TGM6: variants seen among roughly 807,000 people sequenced by gnomAD.
The protein encoded by TGM6 is transglutaminase 6, also known as protein-glutamine gamma-glutamyltransferase 6.
Under a neutral mutation model 77.5 loss-of-function variants are expected in TGM6, and 74 were observed. The ratio of observed to expected loss-of-function variants is 0.96; its 90% CI spans 0.79 to 1.16. The LOEUF (loss-of-function observed/expected upper bound fraction) is 1.16. Among genes scored for constraint, TGM6 ranks in the 50% most tolerant of loss-of-function variants. The pLI is 0.00. For missense variants in TGM6, 968 were observed against 940.2 expected (o/e 1.03, Z -0.39); for synonymous variants, 383 against 378.9 (o/e 1.01, Z -0.12).
chr20:2,385,323 A>T (rs939745838), intron 1 of TGM6, among the ~76,000 whole-genome samples: 3 of 151,916 alleles, frequency 2.0e-5, no homozygotes, highest in African/African-American at 7.3e-5. Context: ...CCTAGAGGCT[A>T]TGTGACAATC....
chr20:2,403,418 G>A lies in TGM6; in HGVS notation c.1011G>A (p.Glu337=), dbSNP rs142832802. 813 of 1,614,172 alleles carry A rather than the reference G, an allele frequency of 5.0e-4. No individual in the cohort carries two copies. Among genetic ancestry groups the A allele is most frequent in the Non-Finnish European group, 6.3e-4 (739 of 1,180,042 alleles). The change falls in exon 8 of 13, where the codon GAG becomes GAA. Residue 337 remains glutamate (E), a synonymous_variant. Transcript: ENST00000202625. ...DSMWNFHVWN[E]SWFARQDLGP... is the part of the protein sequence containing the mutation. ...GCAGGAATTTCCATGTCTGGAATGA[G>A]AGCTGGTTTGCCCGGCAGGACCTAG...
intron 1 of TGM6, among the ~76,000 whole-genome samples, chr20:2,389,186 C>T (rs1429101557): frequency 6.6e-6 from 1 of 152,134 alleles, no homozygotes; most frequent in Non-Finnish European, 1.5e-5. Context: ...GGAAACTAAG[C>T]ACCATGCCAG....
chr20:2,400,210 C>T (rs1351918622), intron 6 of TGM6, 96 bp from the exon 7 acceptor site: 1 of 1,574,786 alleles, frequency 6.4e-7, no homozygotes, highest in Non-Finnish European at 8.7e-7. Context: ...TGGCAGAGGG[C>T]TTTGGCCACA....
rs748484105 is a variant in TGM6, at chr20:2,417,233, G to A, written c.1338G>A (p.Gly446=). The change falls in exon 10 of 13, where the codon GGG becomes GGA. Residue 446 remains glycine (G), a splice_region_variant and synonymous_variant. Coordinates refer to ENST00000202625, the MANE Select transcript of TGM6 (RefSeq NM_198994.3). ...DITDLYKYPE[G]SRKERQVYSK... ...CTGACGTTGTGTGATGCCCTGCAGGGTCCCGGAAAGAGAGGCAGGTGTACA... is the reference window on the plus strand; with the variant it reads ...CTGACGTTGTGTGATGCCCTGCAGGATCCCGGAAAGAGAGGCAGGTGTACA... 1 of 1,597,682 alleles carries A rather than the reference G, an allele frequency of 6.3e-7. No individual in the cohort carries two copies. The highest frequency in any genetic ancestry group is 8.5e-7 in the Non-Finnish European group (1 of 1,172,220).
chr20:2,383,856 A>C (rs1261498510), intron 1 of TGM6, among the ~76,000 whole-genome samples: 1 of 152,088 alleles, frequency 6.6e-6, no homozygotes, highest in Non-Finnish European at 1.5e-5. Flanking sequence ...TCCTGTCATC[A>C]TAGCACTTTG....
At chr20:2,393,855 C>T (rs2084644287) in intron 1 of TGM6, among the ~76,000 whole-genome samples, 1 of 152,186 alleles carries the variant, frequency 6.6e-6, no homozygotes, top group Admixed American at 6.5e-5. Flanking sequence ...CAGAAACGCA[C>T]ATATAATAAG....
At chr20:2,390,565 C>A (rs183103003) in intron 1 of TGM6, among the ~76,000 whole-genome samples, 1 of 152,138 alleles carries the variant, frequency 6.6e-6, no homozygotes, top group Non-Finnish European at 1.5e-5. Flanking sequence ...ATGTATCAGG[C>A]GCTGAAGATT....
Position 2,396,638 on chromosome 20 carries a change from C to T in TGM6, c.543+14C>T. On this transcript the variant is annotated intron_variant, in intron 4 of 12. Coordinates refer to ENST00000202625, the MANE Select transcript of TGM6 (RefSeq NM_198994.3). ...AACTACGGGCAGGTCTCCAGGGGCA[C>T]AGGCCAGACAAGGATGTGGGCTGGG... The T allele has an allele frequency of 6.2e-7, 1 of 1,613,068 alleles. No individual in the cohort carries two copies. Among genetic ancestry groups the T allele is most frequent in the Non-Finnish European group, 8.5e-7 (1 of 1,179,064 alleles).
rs2122355915 is a variant in TGM6, at chr20:2,397,987, G to C, written c.613G>C (p.Ala205Pro). Residue 205 changes from alanine to proline, a missense_variant, in exon 5 of 13, where the codon GCC becomes CCC. Physicochemically the swap from Ala to Pro is conservative, Grantham distance 27 (BLOSUM62 -1). Coordinates refer to ENST00000202625, the MANE Select transcript of TGM6 (RefSeq NM_198994.3). ...DRSPGHQNNP[A>P]TDVSCRHNPI... Reference sequence around the variant, plus strand: ...AAGCCCCGGTCACCAAAACAACCCAGCCACCGACGTGTCCTGCCGCCACAA... The same window carrying C: ...AAGCCCCGGTCACCAAAACAACCCACCCACCGACGTGTCCTGCCGCCACAA... 1 of 1,614,084 alleles carries C rather than the reference G, an allele frequency of 6.2e-7. No individual in the cohort carries two copies. Among genetic ancestry groups the C allele is most frequent in the Non-Finnish European group, 8.5e-7 (1 of 1,180,012 alleles).
chr20:2,416,001 G>T (rs74684053), intron 9 of TGM6, among the ~76,000 whole-genome samples: 20 of 152,174 alleles, frequency 1.3e-4, no homozygotes, highest in South Asian at 1.2e-3. Context: ...TTCCCTCTAG[G>T]GGGGGCTGCT....
At chr20:2,381,112 C>T in intron 1 of TGM6, 137 bp downstream of exon 1, 1 of 1,307,384 alleles carries the variant, frequency 7.6e-7, no homozygotes, top group Non-Finnish European at 1.1e-6. Flanking sequence ...AACACATGAA[C>T]TCTTCGTGTG....
intron 9 of TGM6, among the ~76,000 whole-genome samples, chr20:2,413,344 G>T (rs2084795826): frequency 6.6e-6 from 1 of 152,172 alleles, no homozygotes; most frequent in Non-Finnish European, 1.5e-5. Context: ...GGGAGGTTGA[G>T]GTTGCAATGA....
chr20:2,403,493 G>C lies in TGM6; in HGVS notation c.1086G>C (p.Glu362Asp), dbSNP rs1568660834. The C allele has an allele frequency of 6.2e-7, 1 of 1,614,130 alleles. No homozygotes were observed. Among genetic ancestry groups the C allele is most frequent in the Non-Finnish European group, 8.5e-7 (1 of 1,180,022 alleles). ...WQVLDATPQE[E>D]SEGVFRCGPA... ...TTCTGGATGCCACCCCCCAGGAGGA[G>C]AGTGAAGGTACGCTCAATTGGGTGG... The change falls in exon 8 of 13, where the codon GAG (glutamate) becomes GAC (aspartate). Residue 362 changes from glutamate to aspartate, a missense_variant. Coordinates refer to ENST00000202625, the MANE Select transcript of TGM6 (RefSeq NM_198994.3).
At position 2,398,062 on chromosome 20, in the gene TGM6, A is replaced by T. The variant is rs762694735; in HGVS notation, c.672+16A>T. ...CAGTGCCATGGTGAGAAGCCCCTCC[A>T]TCCCTGCACATGTACTTCCTCAAGG... On this transcript the variant is annotated intron_variant, in intron 5 of 12. Transcript: ENST00000202625. The T allele has an allele frequency of 1.2e-6, 2 of 1,613,990 alleles. No individual in the cohort carries two copies. Among genetic ancestry groups the T allele is most frequent in the South Asian group, 2.2e-5 (2 of 91,068 alleles).
intron 9 of TGM6, among the ~76,000 whole-genome samples, chr20:2,410,885 T>C (rs908552453): frequency 9.8e-5 from 15 of 152,310 alleles, no homozygotes; most frequent in African/African-American, 3.4e-4. Flanking sequence ...AAAGACACTT[T>C]CTTACCAAAA....
rs1403857356 is a variant in TGM6, at chr20:2,413,806, ACATAGGAGTAAATCTTCAT to A, written c.1337-3425_1337-3407del. On this transcript the variant is annotated intron_variant, in intron 9 of 12. Transcript: ENST00000202625. ...AAAACTATAAAACTTTTGGAAGAAA[ACATAGGAGTAAATCTTCAT>A]GATCTTCGGTTAGACCAAGCCTTTT... Among the ~76,000 whole-genome samples, 3 of 152,364 alleles carry A rather than the reference ACATAGGAGTAAATCTTCAT, an allele frequency of 2.0e-5. No homozygotes were observed. The East Asian group carries it at 5.8e-4, about 29-fold the overall frequency.
intron 5 of TGM6, among the ~76,000 whole-genome samples, chr20:2,399,043 A>T (rs1320897605): frequency 3.3e-5 from 5 of 152,042 alleles, no homozygotes; most frequent in African/African-American, 7.2e-5. Flanking sequence ...CAAGGCTCCC[A>T]AGTCCAAGTC....
At chr20:2,418,893 A>G (rs6106668) in intron 10 of TGM6, among the ~76,000 whole-genome samples, 68,740 of 151,738 alleles carry the variant, frequency 0.45, 17,583 homozygotes, top group African/African-American at 0.7. Context: ...TGGCTAACAC[A>G]GTGAAACCCC....
At chr20:2,416,095 G>A (rs1027288918) in intron 9 of TGM6, among the ~76,000 whole-genome samples, 1 of 152,182 alleles carries the variant, frequency 6.6e-6, no homozygotes, top group South Asian at 2.1e-4. Flanking sequence ...ATTCAAGGAT[G>A]AGCCAGTGGT....
Sources: allele counts gnomAD v4.1 joint callset (sites outside exome capture counted in the v4.1 genomes callset), GRCh38; gene constraint gnomAD v4.1.1; transcripts MANE v1.5; gene names NCBI Gene and HGNC (gene_info 2026-07-23, HGNC 2026-07-21).